The following NCKAP1 variants were observed in gnomAD, a reference collection of about 807,000 sequenced individuals.
NCKAP1 encodes the protein NCK associated protein 1, also known as nck-associated protein 1.
Under a neutral mutation model 151.2 loss-of-function variants are expected in NCKAP1, and 21 were observed. The ratio of observed to expected loss-of-function variants is 0.14; its 90% CI spans 0.10 to 0.20. The LOEUF (loss-of-function observed/expected upper bound fraction) is 0.20. Ranked by LOEUF, NCKAP1 falls within the 10% of genes least tolerant of loss-of-function variation. NCKAP1 has a pLI of 1.00. For synonymous variants in NCKAP1, 484 were observed against 451.8 expected (o/e 1.07, Z -0.90); for missense variants, 933 against 1,352.1 (o/e 0.69, Z 4.86).
intron 30 of NCKAP1, 51 bp downstream of exon 30, chr2:182,926,765 A>C: frequency 8.0e-7 from 1 of 1,252,800 alleles, no homozygotes; most frequent in Non-Finnish European, 1.1e-6. Flanking sequence ...AAAGATTCTC[A>C]GGAACGACTG....
intron 23 of NCKAP1, among the ~76,000 whole-genome samples, chr2:182,948,809 CA>C (rs1697158044): frequency 6.6e-6 from 1 of 152,116 alleles, no homozygotes; most frequent in African/African-American, 2.4e-5. Flanking sequence ...GCATAGCTAC[CA>C]AATGTGTTCA....
intron 2 of NCKAP1, among the ~76,000 whole-genome samples, chr2:183,012,764 C>T (rs557636023): frequency 6.6e-6 from 1 of 150,992 alleles, no homozygotes; most frequent in East Asian, 1.9e-4. Context: ...CATGCGCACG[C>T]CACCACACCT....
intron 24 of NCKAP1, among the ~76,000 whole-genome samples, chr2:182,939,859 T>C (rs978625547): frequency 2.0e-5 from 3 of 152,216 alleles, no homozygotes; most frequent in Non-Finnish European, 2.9e-5. Context: ...ATAAATTCTA[T>C]TTAAAGACAA....
chr2:182,950,228 CAG>C (rs1432505525), intron 23 of NCKAP1, among the ~76,000 whole-genome samples: 3 of 152,186 alleles, frequency 2.0e-5, no homozygotes, highest in East Asian at 3.9e-4. Context: ...TAAATGAATT[CAG>C]AGAGACTCAA....
At chr2:183,027,296 T>A (rs1488413727) in intron 1 of NCKAP1, among the ~76,000 whole-genome samples, 1 of 152,188 alleles carries the variant, frequency 6.6e-6, no homozygotes, top group Non-Finnish European at 1.5e-5. Flanking sequence ...ACCTGTAGAC[T>A]TTACGAGAGT....
At chr2:182,934,716 G>A in intron 26 of NCKAP1, 36 bp downstream of exon 26, 2 of 1,037,892 alleles carry the variant, frequency 1.9e-6, no homozygotes, top group Non-Finnish European at 2.9e-6. Flanking sequence ...TTTCGCTTTA[G>A]AGACTGTAAA....
chr2:182,985,246 T>C (rs1446750491), intron 10 of NCKAP1, among the ~76,000 whole-genome samples: 3 of 152,228 alleles, frequency 2.0e-5, no homozygotes, highest in Admixed American at 6.5e-5. Flanking sequence ...CTATGGAGTG[T>C]TGCTTGTCTT....
At chr2:182,986,095 G>A in intron 10 of NCKAP1, 76 bp downstream of exon 10, 1 of 1,331,684 alleles carries the variant, frequency 7.5e-7, no homozygotes, top group East Asian at 2.4e-5. Context: ...CTATTAATCT[G>A]TACTCACTTC....
intron 10 of NCKAP1, among the ~76,000 whole-genome samples, chr2:182,985,393 T>C (rs183600221): frequency 2.0e-5 from 3 of 152,324 alleles, no homozygotes; most frequent in Admixed American, 6.5e-5. Flanking sequence ...TTTAGAATTA[T>C]TTTATGAGAA....
chr2:182,990,389 A>G (rs571886726), intron 8 of NCKAP1, among the ~76,000 whole-genome samples: 1 of 152,302 alleles, frequency 6.6e-6, no homozygotes, highest in African/African-American at 2.4e-5. Flanking sequence ...TTACTAAAAT[A>G]CTATTAAAGT....
chr2:183,023,188 C>G (rs926680415), intron 2 of NCKAP1, among the ~76,000 whole-genome samples: 1 of 151,922 alleles, frequency 6.6e-6, no homozygotes, highest in African/African-American at 2.4e-5. Flanking sequence ...TCTAATTTCC[C>G]AAAAGTAGTT....
Position 182,910,541 on chromosome 2 carries a change from C to T in NCKAP1, c.*15161G>A, listed in dbSNP as rs1176351801. 1.3e-5 allele frequency: 2 copies of T among 152,230 alleles called. No individual in the cohort carries two copies. The highest frequency in any genetic ancestry group is 4.8e-5 in the African/African-American group (2 of 41,434). 9.4% of individuals were successfully genotyped at this position (152,230 alleles called of 1,614,324 possible). On this transcript the variant is annotated 3_prime_UTR_variant, in exon 31 of 31. Coordinates refer to ENST00000361354, the MANE Select transcript of NCKAP1 (RefSeq NM_013436.5). ...CTGGAACTGCAAAGGAGAATCTCAG[C>T]TCTAGGAGAGCCTCAGACCATTCAG...
At chr2:183,002,510 C>G (rs1698393207) in intron 4 of NCKAP1, among the ~76,000 whole-genome samples, 1 of 152,038 alleles carries the variant, frequency 6.6e-6, no homozygotes, top group Non-Finnish European at 1.5e-5. Context: ...TATATTCAAA[C>G]TGGTAACAGT....
At chr2:182,934,284 C>A (rs911438030) in intron 26 of NCKAP1, 2 of 152,258 alleles carry the variant, frequency 1.3e-5, no homozygotes, top group Non-Finnish European at 2.9e-5. Context: ...ACTACAGGCA[C>A]CCGCCACCAC....
chr2:182,981,262 G>C lies in NCKAP1; in HGVS notation c.1323C>G (p.Val441=). Residue 441 remains valine (V), a synonymous_variant, in exon 13 of 31, where the codon GTC becomes GTG. Transcript: ENST00000361354. ...VQYLSGFDAV[V]LNELVQNLSV... Reference sequence around the variant, plus strand: ...TTTTTACCTGCACGAGTTCATTGAGGACAACAGCATCAAAGCCAGAAAGGT... The same window carrying C: ...TTTTTACCTGCACGAGTTCATTGAGCACAACAGCATCAAAGCCAGAAAGGT... 6.2e-7 allele frequency: 1 copy of C among 1,613,642 alleles called. No homozygotes were observed.
intron 1 of NCKAP1, among the ~76,000 whole-genome samples, chr2:183,034,964 G>C (rs186570339): frequency 3.9e-5 from 6 of 152,120 alleles, no homozygotes; most frequent in Non-Finnish European, 8.8e-5. Context: ...AGATTGGAAT[G>C]CAAGTCTCTT....
At chr2:183,020,464 C>CAAAAAAAA (rs1179083096) in intron 2 of NCKAP1, among the ~76,000 whole-genome samples, 1 of 71,582 alleles carries the variant, frequency 1.4e-5, no homozygotes, top group Non-Finnish European at 2.9e-5. Flanking sequence ...GACCGTGTCC[C>CAAAAAAAA]AAAAAAAAAA....
chr2:182,949,527 C>T (rs1034257942), intron 23 of NCKAP1, among the ~76,000 whole-genome samples: 1 of 152,236 alleles, frequency 6.6e-6, no homozygotes, highest in African/African-American at 2.4e-5. Flanking sequence ...TGGGGCCAGG[C>T]ACAGTGGCTC....
At chr2:183,019,734 G>T (rs938708176) in intron 2 of NCKAP1, among the ~76,000 whole-genome samples, 4 of 152,146 alleles carry the variant, frequency 2.6e-5, no homozygotes, top group Non-Finnish European at 4.4e-5. Flanking sequence ...AACTGGTATG[G>T]CTTTTATTCA....
Sources: gnomAD v4.1 joint callset for allele counts (sites outside exome capture counted in the v4.1 genomes callset) on GRCh38, gnomAD v4.1.1 for gene constraint, MANE v1.5 for transcripts, NCBI Gene and HGNC (gene_info 2026-07-23, HGNC 2026-07-21) for gene names.